The following HS3ST2 variants were observed in gnomAD, a reference collection of about 807,000 sequenced individuals.
The protein encoded by HS3ST2 is heparan sulfate-glucosamine 3-sulfotransferase 2, also known as heparan sulfate glucosamine 3-O-sulfotransferase 2.
HS3ST2 carries 17 observed loss-of-function variants against 26.3 expected under a neutral mutation model. That is an observed-to-expected ratio of 0.65 (90% CI 0.44 to 0.97). HS3ST2 has a LOEUF of 0.97. Among genes scored for constraint, HS3ST2 ranks in the 50% least tolerant of loss-of-function variants. The pLI, the probability that HS3ST2 is intolerant of heterozygous loss-of-function variation, is 0.00. For missense variants in HS3ST2, 402 were observed against 501.2 expected (o/e 0.80, Z 1.89); for synonymous variants, 237 against 219.2 (o/e 1.08, Z -0.72).
rs145789874 is a variant in HS3ST2, at chr16:22,915,322, C to A, written c.864C>A (p.Val288=). 1.9e-6 allele frequency: 3 copies of A among 1,614,020 alleles called. No individual in the cohort carries two copies. The Admixed American group carries it at 5.0e-5, about 27-fold the overall frequency. Residue 288 remains valine (V), a synonymous_variant, in exon 2 of 2, where the codon GTC becomes GTA. Coordinates refer to ENST00000261374, the MANE Select transcript of HS3ST2 (RefSeq NM_006043.2). The stretch of plus-strand genomic sequence containing the variant: ...ACCCGGCCGGCGAGATGGGGCGAGT[C>A]CAGGACTTCCTGGGCATTAAGAGAT... The part of the protein sequence containing the change: ...ITDPAGEMGR[V]QDFLGIKRFI...
intron 1 of HS3ST2, among the ~76,000 whole-genome samples, chr16:22,849,427 G>C (rs1901489271): frequency 6.6e-6 from 1 of 151,966 alleles, no homozygotes; most frequent in African/African-American, 2.4e-5. Context: ...TATCTTTTTT[G>C]CGGGGGGGTA....
chr16:22,855,833 T>C (rs1901586541), intron 1 of HS3ST2, among the ~76,000 whole-genome samples: 2 of 152,124 alleles, frequency 1.3e-5, no homozygotes, highest in Admixed American at 1.3e-4. Flanking sequence ...CAGAATTTTC[T>C]TTTCTCCCAG....
chr16:22,873,958 A>G (rs1187739267), intron 1 of HS3ST2, among the ~76,000 whole-genome samples: 2 of 152,178 alleles, frequency 1.3e-5, no homozygotes, highest in African/African-American at 2.4e-5. Flanking sequence ...GGCTTACTCA[A>G]TGGAGATCAC....
intron 1 of HS3ST2, among the ~76,000 whole-genome samples, chr16:22,862,232 T>C (rs1332707327): frequency 6.6e-6 from 1 of 151,762 alleles, no homozygotes; most frequent in South Asian, 2.1e-4. Context: ...CAACTGTGTG[T>C]GTGTGGGTGT....
chr16:22,866,517 C>T (rs1901754897), intron 1 of HS3ST2, among the ~76,000 whole-genome samples: 1 of 152,050 alleles, frequency 6.6e-6, no homozygotes, highest in Non-Finnish European at 1.5e-5. Flanking sequence ...TGCTTATAAT[C>T]CCAGTACATT....
At chr16:22,861,668 T>C (rs1435357504) in intron 1 of HS3ST2, among the ~76,000 whole-genome samples, 1 of 152,160 alleles carries the variant, frequency 6.6e-6, no homozygotes, top group Non-Finnish European at 1.5e-5. Flanking sequence ...AAACTCCTTC[T>C]AGAAGTCATG....
chr16:22,898,370 A>G (rs990847267), intron 1 of HS3ST2, among the ~76,000 whole-genome samples: 6 of 152,228 alleles, frequency 3.9e-5, no homozygotes, highest in Non-Finnish European at 8.8e-5. Context: ...CCTGAGGGGA[A>G]AGGCAATAGA....
At chr16:22,887,126 G>A (rs1209948849) in intron 1 of HS3ST2, among the ~76,000 whole-genome samples, 1 of 152,102 alleles carries the variant, frequency 6.6e-6, no homozygotes, top group African/African-American at 2.4e-5. Flanking sequence ...GTGTGCACCT[G>A]GGAACCTCCC....
intron 1 of HS3ST2, among the ~76,000 whole-genome samples, chr16:22,856,180 G>A (rs777854406): frequency 6.6e-6 from 1 of 152,162 alleles, no homozygotes; most frequent in Admixed American, 6.5e-5. Flanking sequence ...GTGAAACTGG[G>A]CAGGTTTTGT....
At chr16:22,911,360 T>A (rs1902423134) in intron 1 of HS3ST2, among the ~76,000 whole-genome samples, 1 of 152,172 alleles carries the variant, frequency 6.6e-6, no homozygotes, top group African/African-American at 2.4e-5. Context: ...GAATCCCAGA[T>A]GAATTTGAAA....
intron 1 of HS3ST2, among the ~76,000 whole-genome samples, chr16:22,867,725 T>G (rs1013794642): frequency 1.3e-5 from 2 of 152,242 alleles, no homozygotes; most frequent in African/African-American, 2.4e-5. Context: ...GAGTGTCATT[T>G]GGTACAACTG....
chr16:22,845,067 G>A (rs183953343), intron 1 of HS3ST2, among the ~76,000 whole-genome samples: 1 of 148,054 alleles, frequency 6.8e-6, no homozygotes, highest in East Asian at 2.0e-4. Context: ...TGTTAGTTAG[G>A]ATGGTCTGGA....
intron 1 of HS3ST2, among the ~76,000 whole-genome samples, chr16:22,832,671 C>T (rs1901190773): frequency 6.6e-6 from 1 of 151,730 alleles, no homozygotes; most frequent in African/African-American, 2.4e-5. Context: ...AAATGCATCT[C>T]ATAAAAGGAG....
intron 1 of HS3ST2, among the ~76,000 whole-genome samples, chr16:22,838,589 G>A (rs995512337): frequency 1.3e-5 from 2 of 152,162 alleles, no homozygotes; most frequent in East Asian, 1.9e-4. Flanking sequence ...AAAAGCTATC[G>A]ATTAGGTGTC....
At chr16:22,821,806 AG>A (rs930734363) in intron 1 of HS3ST2, among the ~76,000 whole-genome samples, 2 of 152,196 alleles carry the variant, frequency 1.3e-5, no homozygotes, top group Middle Eastern at 6.8e-3. Context: ...GCCACCCGGG[AG>A]GGGAAATGAC....
intron 1 of HS3ST2, chr16:22,833,588 G>T: frequency 3.4e-6 from 1 of 297,238 alleles, no homozygotes; most frequent in Non-Finnish European, 6.6e-6. Flanking sequence ...CTCTTCCTCT[G>T]GGCTAGCCCA....
chr16:22,913,747 T>C (rs1412200517), intron 1 of HS3ST2, among the ~76,000 whole-genome samples: 1 of 152,170 alleles, frequency 6.6e-6, no homozygotes, highest in Non-Finnish European at 1.5e-5. Context: ...GTGCCTATGG[T>C]CCCAGCACTT....
chr16:22,904,085 C>T (rs538058718), intron 1 of HS3ST2, among the ~76,000 whole-genome samples: 1 of 152,290 alleles, frequency 6.6e-6, no homozygotes, highest in East Asian at 1.9e-4. Context: ...AGCTGCCCAG[C>T]ACCTGAATAC....
intron 1 of HS3ST2, among the ~76,000 whole-genome samples, chr16:22,817,158 C>T (rs1181992646): frequency 6.6e-6 from 1 of 152,070 alleles, no homozygotes; most frequent in East Asian, 1.9e-4. Context: ...CTAAAATTCT[C>T]AGCTGAGTCT....
Sources: allele counts gnomAD v4.1 joint callset (sites outside exome capture counted in the v4.1 genomes callset), GRCh38; gene constraint gnomAD v4.1.1; transcripts MANE v1.5; gene names NCBI Gene and HGNC (gene_info 2026-07-23, HGNC 2026-07-21).